Variants in PSD2 observed in about 807,000 individuals in gnomAD.
PSD2 encodes PH and SEC7 domain-containing protein 2.
A neutral mutation model predicts 69.8 loss-of-function variants in PSD2; 38 were observed. The ratio of observed to expected loss-of-function variants is 0.54; its 90% CI spans 0.42 to 0.71. The LOEUF (loss-of-function observed/expected upper bound fraction) is 0.71. Ranked by LOEUF, PSD2 falls within the 30% of genes least tolerant of loss-of-function variation. The pLI, the probability that PSD2 is intolerant of heterozygous loss-of-function variation, is 0.00. For missense variants in PSD2, 943 were observed against 1,014.5 expected (o/e 0.93, Z 0.96); for synonymous variants, 412 against 423.0 (o/e 0.97, Z 0.32).
rs371450373 is a variant in PSD2 at position 139,837,293 on chromosome 5, G to A, written c.1665+55G>A. 43 of 1,540,394 alleles carry A rather than the reference G, an allele frequency of 2.8e-5. No homozygotes were observed. Among genetic ancestry groups the A allele is most frequent in the African/African-American group, 6.4e-5 (4 of 62,494 alleles). On this transcript the variant is annotated intron_variant, in intron 11 of 14. Transcript: ENST00000274710. The surrounding 1 kb of genome is among the most constrained non-coding windows in gnomAD (Gnocchi z 5.0). ...GAAAGGGCCAGCTCAGTCCCATCCC[G>A]CCCTGGCCTTGTGGCACCCCGAAGC...
In PSD2 at chr5:139,814,070, C is replaced by G; in HGVS notation, c.822-100C>G. The G allele has an allele frequency of 1.7e-6, 2 of 1,159,420 alleles. No individual in the cohort carries two copies. The highest frequency in any genetic ancestry group is 2.5e-6 in the Non-Finnish European group (2 of 797,426). 71.8% of individuals were successfully genotyped at this position (1,159,420 alleles called of 1,614,324 possible). On this transcript the variant is annotated intron_variant, in intron 3 of 14. Coordinates refer to ENST00000274710, the MANE Select transcript of PSD2 (RefSeq NM_032289.4). This position sits in a 1 kb window ranked among gnomAD's most constrained non-coding sequence, Gnocchi z 4.4. ...GGAGCTTCTTTCCCTGTTCTGGCCC[C>G]TACATGGTTTGCAGTGGCCTGGGGA...
intron 2 of PSD2, among the ~76,000 whole-genome samples, chr5:139,812,983 G>A (rs1240723674): frequency 1.3e-5 from 2 of 152,178 alleles, no homozygotes; most frequent in African/African-American, 2.4e-5. Flanking sequence ...ATCCAAGCAG[G>A]GCCTAGGGCA....
the PSD2 span, among the ~76,000 whole-genome samples, chr5:139,754,198 T>G: frequency 5.3e-5 from 8 of 151,906 alleles, no homozygotes; most frequent in Admixed American, 5.2e-4. Context: ...TTGGGCATGA[T>G]GGCTCATGCC....
At chr5:139,748,772 AT>A in the PSD2 span, among the ~76,000 whole-genome samples, 3 of 152,276 alleles carry the variant, frequency 2.0e-5, no homozygotes, top group Non-Finnish European at 2.9e-5. Context: ...CGGCCACCGC[AT>A]CGAGCGGCTC....
Position 139,837,639 on chromosome 5 carries a change from T to G in PSD2, c.1680T>G (p.Pro560=). The change falls in exon 12 of 15, where the codon CCT becomes CCG. Residue 560 remains proline (P), a synonymous_variant. Coordinates refer to ENST00000274710, the MANE Select transcript of PSD2 (RefSeq NM_032289.4). The surrounding 1 kb of genome is among the most constrained non-coding windows in gnomAD (Gnocchi z 5.0). The stretch of plus-strand genomic sequence containing the variant: ...GCCCCACCCAGGATGAGTACAGGCC[T>G]GACAAAGCTCTATCGGAGGGTGACC... ...ILYLQKDEYR[P]DKALSEGDLK... 2 of 1,611,494 alleles carry G rather than the reference T, an allele frequency of 1.2e-6. No homozygotes were observed. The highest frequency in any genetic ancestry group is 1.7e-6 in the Non-Finnish European group (2 of 1,178,104).
chr5:139,792,102 G>T (rs938438257), upstream of PSD2, among the ~76,000 whole-genome samples: 1 of 151,890 alleles, frequency 6.6e-6, no homozygotes, highest in Non-Finnish European at 1.5e-5. Context: ...TCAAATTTGA[G>T]GTGGGAAGTG....
chr5:139,775,948 C>T, the PSD2 span, among the ~76,000 whole-genome samples: 1 of 152,350 alleles, frequency 6.6e-6, no homozygotes, highest in Non-Finnish European at 1.5e-5. Flanking sequence ...GGATTACAGG[C>T]GTGAGCCACT....
chr5:139,780,503 G>A, the PSD2 span, among the ~76,000 whole-genome samples: 1 of 152,210 alleles, frequency 6.6e-6, no homozygotes, highest in Non-Finnish European at 1.5e-5. Context: ...GAGTGCAGTG[G>A]CGTGATCTTG....
intron 1 of PSD2, among the ~76,000 whole-genome samples, chr5:139,800,689 C>T (rs1307888907): frequency 6.6e-6 from 1 of 152,226 alleles, no homozygotes; most frequent in Non-Finnish European, 1.5e-5. Flanking sequence ...GCCACACTCA[C>T]TGTCTGCCAG....
At chr5:139,773,479 T>C in the PSD2 span, among the ~76,000 whole-genome samples, 1 of 152,178 alleles carries the variant, frequency 6.6e-6, no homozygotes, top group Non-Finnish European at 1.5e-5. Flanking sequence ...CAGGCTGGTC[T>C]TGAACTCCTG....
In PSD2 at chr5:139,814,374, A is replaced by T. The variant is rs1228767824; in HGVS notation, c.1016+10A>T. On this transcript the variant is annotated intron_variant, in intron 4 of 14. Coordinates refer to ENST00000274710, the MANE Select transcript of PSD2 (RefSeq NM_032289.4). This position sits in a 1 kb window ranked among gnomAD's most constrained non-coding sequence, Gnocchi z 4.4. ...GGCAGCTGGGCAAGAAGTGAGTGTG[A>T]GCTCCCCTGCCCCCAACCCTGGGCA... The T allele has an allele frequency of 2.5e-6, 4 of 1,589,660 alleles. No homozygotes were observed. Among genetic ancestry groups the T allele is most frequent in the Non-Finnish European group, 3.4e-6 (4 of 1,167,602 alleles).
the PSD2 span, among the ~76,000 whole-genome samples, chr5:139,763,329 G>A: frequency 1.3e-5 from 2 of 152,288 alleles, no homozygotes; most frequent in East Asian, 1.9e-4. Flanking sequence ...TCTGAAGCAT[G>A]TTTTCATTCA....
the PSD2 span, among the ~76,000 whole-genome samples, chr5:139,763,898 A>G: frequency 6.6e-6 from 1 of 152,010 alleles, no homozygotes; most frequent in South Asian, 2.1e-4. Flanking sequence ...TCCCCAGCTG[A>G]GTTGGGTCCT....
chr5:139,806,978 T>C (rs1561593709), intron 1 of PSD2, among the ~76,000 whole-genome samples: 1 of 152,152 alleles, frequency 6.6e-6, no homozygotes, highest in Non-Finnish European at 1.5e-5. Flanking sequence ...AAGGAGGACA[T>C]AGCAGGGCAG....
chr5:139,795,355 G>C (rs1389333757), upstream of PSD2, among the ~76,000 whole-genome samples: 1 of 152,030 alleles, frequency 6.6e-6, no homozygotes, highest in Non-Finnish European at 1.5e-5. The surrounding 1 kb of genome is among the most constrained non-coding windows in gnomAD (Gnocchi z 4.5). Flanking sequence ...GTGTCGGGGG[G>C]CTGGGGGCAG....
rs552860138 is a variant in PSD2 at position 139,805,040 on chromosome 5, G to A, written c.-50-4351G>A. Among the ~76,000 whole-genome samples, 5 of 152,044 alleles carry A rather than the reference G, an allele frequency of 3.3e-5. No homozygotes were observed. In the East Asian group the frequency reaches 7.7e-4, roughly 24 times the overall value. On this transcript the variant is annotated intron_variant, in intron 1 of 14. Transcript: ENST00000274710. ...GTGTGCGTGTGTGTGTATTGTGCAT[G>A]TGTGTGCGCATGTGTGTGTGCACGT...
upstream of PSD2, among the ~76,000 whole-genome samples, chr5:139,793,971 A>T (rs904733683): frequency 2.0e-5 from 3 of 152,192 alleles, no homozygotes; most frequent in African/African-American, 7.2e-5. Context: ...AAGCCCTGCC[A>T]TGAGCACTTC....
At chr5:139,756,228 G>GC in the PSD2 span, among the ~76,000 whole-genome samples, 7 of 152,024 alleles carry the variant, frequency 4.6e-5, no homozygotes, top group Non-Finnish European at 7.4e-5. Context: ...CTGCCGCTGC[G>GC]CCCCCCCTTT....
the PSD2 span, among the ~76,000 whole-genome samples, chr5:139,775,003 A>G: frequency 6.6e-6 from 1 of 152,066 alleles, no homozygotes; most frequent in Non-Finnish European, 1.5e-5. Context: ...TCGAGACCGT[A>G]CTGTGCCGCC....
Sources: gnomAD v4.1 joint callset for allele counts (sites outside exome capture counted in the v4.1 genomes callset) on GRCh38, gnomAD v4.1.1 for gene constraint, Gnocchi (gnomAD v3.1) non-coding constraint, MANE v1.5 for transcripts, NCBI Gene and HGNC (gene_info 2026-07-23, HGNC 2026-07-21) for gene names.